Variants in SLC7A2 observed in about 807,000 individuals in gnomAD.
SLC7A2 encodes solute carrier family 7 member 2.
Under a neutral mutation model 58.9 loss-of-function variants are expected in SLC7A2, and 48 were observed. That is an observed-to-expected ratio of 0.82 (90% CI 0.65 to 1.04). SLC7A2 has a LOEUF of 1.04. Among genes scored for constraint, SLC7A2 ranks in the 50% least tolerant of loss-of-function variants. The probability of loss-of-function intolerance (pLI) is 0.00; values close to 1 mark genes in which losing one functional copy is unlikely to be tolerated. For synonymous variants in SLC7A2, 363 were observed against 314.5 expected (o/e 1.15, Z -1.63); for missense variants, 1,029 against 818.8 (o/e 1.26, Z -3.13).
rs140192012 is a variant in SLC7A2, at chr8:17,551,065, C to T, written c.832+631C>T. The stretch of plus-strand genomic sequence containing the variant: ...GAAGCCTTGATACTTAAGGGCCTAC[C>T]GAATGGCACAGCAGTCATTTAATCT... On this transcript the variant is annotated intron_variant, in intron 6 of 12. Transcript: ENST00000494857. 3.2e-3 allele frequency among the ~76,000 whole-genome samples: 486 copies of T among 152,230 alleles called. 3 individuals are homozygous for T. Among genetic ancestry groups the T allele is most frequent in the African/African-American group, 0.01 (420 of 41,536 alleles).
intron 5 of SLC7A2, among the ~76,000 whole-genome samples, chr8:17,549,233 T>A (rs532935965): frequency 1.2e-4 from 18 of 152,282 alleles, no homozygotes; most frequent in African/African-American, 3.4e-4. Context: ...CAAGATGAGA[T>A]TGGGTGGGGA....
chr8:17,510,465 C>A (rs1297701887), intron 2 of SLC7A2: 4 of 152,180 alleles, frequency 2.6e-5, no homozygotes, highest in African/African-American at 9.7e-5. Context: ...TAAAAGCGTT[C>A]CTATTTCTCC....
chr8:17,520,077 C>CTGTT (rs1800954409), intron 2 of SLC7A2, among the ~76,000 whole-genome samples: 1 of 152,092 alleles, frequency 6.6e-6, no homozygotes, highest in Non-Finnish European at 1.5e-5. Flanking sequence ...GTTTTGAATG[C>CTGTT]TGTTTGGTAC....
intron 2 of SLC7A2, among the ~76,000 whole-genome samples, chr8:17,515,225 G>A (rs1800755901): frequency 6.6e-6 from 1 of 152,028 alleles, no homozygotes; most frequent in Non-Finnish European, 1.5e-5. Context: ...TCAATAATGA[G>A]GACATAGCTT....
At position 17,508,097 on chromosome 8, in the gene SLC7A2, A is replaced by T. The variant is rs550098086; in HGVS notation, c.-23+5795A>T. Among the ~76,000 whole-genome samples the T allele has an allele frequency of 6.5e-3, 885 of 135,990 alleles. 2 individuals carry two copies. Among genetic ancestry groups the T allele is most frequent in the African/African-American group, 0.021 (735 of 35,514 alleles). 89.2% of individuals were successfully genotyped at this position (135,990 alleles called of 152,430 possible). A position where few individuals can be genotyped will look rare whatever the true frequency, so the allele number is the denominator to read the frequency against. On this transcript the variant is annotated intron_variant, in intron 2 of 12. Coordinates refer to ENST00000494857, the MANE Select transcript of SLC7A2 (RefSeq NM_001370338.1). ...GTGCTATTGTGCTCTCTTTTTTTTT[A>T]AAAAAAAAAGCTATTTGAATTTTTT...
At position 17,551,915 on chromosome 8, in the gene SLC7A2, G is replaced by C. The variant is rs573592866; in HGVS notation, c.984G>C (p.Ala328=). The change falls in exon 7 of 13, where the codon GCG becomes GCC. Residue 328 remains alanine (A), a synonymous_variant. Coordinates refer to ENST00000494857, the MANE Select transcript of SLC7A2 (RefSeq NM_001370338.1). ...ATGAAAAAAGCCCCCTTCCTGTAGC[G>C]TTTGAATATGTGGGATGGGGTCCTG... ...LLDEKSPLPV[A]FEYVGWGPAK... 1 of 1,613,854 alleles carries C rather than the reference G, an allele frequency of 6.2e-7. No homozygotes were observed. Among genetic ancestry groups the C allele is most frequent in the African/African-American group, 1.3e-5 (1 of 74,854 alleles).
chr8:17,543,660 C>G lies in SLC7A2; in HGVS notation c.321C>G (p.Val107=). 6.5e-7 allele frequency: 1 copy of G among 1,539,870 alleles called. No homozygotes were observed. The highest frequency in any genetic ancestry group is 8.7e-7 in the Non-Finnish European group (1 of 1,144,820). The part of the protein sequence containing the change: ...GSAYLYTYVT[V]GELWAFITGW... ...CATATTTGTACACCTACGTGACTGT[C>G]GGAGAGCTGTGGGCCTTCATCACTG... The change falls in exon 3 of 13, where the codon GTC becomes GTG. Residue 107 remains valine (V), a synonymous_variant. Transcript: ENST00000494857.
At chr8:17,500,269 A>G (rs548838126) in intron 1 of SLC7A2, 1 of 152,358 alleles carries the variant, frequency 6.6e-6, no homozygotes, top group African/African-American at 2.4e-5. Context: ...AGGCGATGCT[A>G]CTATTTCATC....
rs1803196806 is a variant in SLC7A2 at position 17,564,986 on chromosome 8, G to T, written c.1817G>T (p.Ser606Ile). Residue 606 changes from serine (S) to isoleucine (I), a missense_variant, in exon 13 of 13, where the codon AGC becomes ATC. Transcript: ENST00000494857. ...TACTTTTCTTATGGCATTAGACACA[G>T]CCTGGAGGGTCATCTGAGAGATGAA... ...LIYFSYGIRH[S>I]LEGHLRDENN... 6.2e-7 allele frequency: 1 copy of T among 1,613,012 alleles called. No homozygotes were observed.
At chr8:17,564,135 A>G in intron 12 of SLC7A2, among the ~76,000 whole-genome samples, 1 of 151,898 alleles carries the variant, frequency 6.6e-6, no homozygotes, top group South Asian at 2.1e-4. Context: ...AGTTCTTCGG[A>G]CTCTCCTGGT....
chr8:17,523,197 C>T lies in SLC7A2; in HGVS notation c.-22-20121C>T, dbSNP rs540548009. On this transcript the variant is annotated intron_variant, in intron 2 of 12. Transcript: ENST00000494857. ...AAAGGAAAGAAAATGACCATACGGC[C>T]AAAAGTAATCTACAAATTCAGTGCA... 7.9e-5 allele frequency among the ~76,000 whole-genome samples: 12 copies of T among 151,988 alleles called. No individual in the cohort carries two copies. The East Asian group carries it at 1.9e-3, about 24-fold the overall frequency.
rs376207004 is a variant in SLC7A2, at chr8:17,543,567, C to A, written c.228C>A (p.Ala76=). 3.1e-6 allele frequency: 5 copies of A among 1,611,540 alleles called. No individual in the cohort carries two copies. The highest frequency in any genetic ancestry group is 4.2e-6 in the Non-Finnish European group (5 of 1,178,764). ...TCGTGGTGTCCTTCCTCATTGCTGCCCTGGCTTCAGTGATGGCTGGCCTCT... is the reference window on the plus strand; with the variant it reads ...TCGTGGTGTCCTTCCTCATTGCTGCACTGGCTTCAGTGATGGCTGGCCTCT... ...PSIVVSFLIA[A]LASVMAGLCY... is the part of the protein sequence containing the mutation. Residue 76 remains alanine (A), a synonymous_variant, in exon 3 of 13, where the codon GCC becomes GCA. Transcript: ENST00000494857.
chr8:17,536,628 C>G (rs1412894324), intron 2 of SLC7A2, among the ~76,000 whole-genome samples: 3 of 152,054 alleles, frequency 2.0e-5, no homozygotes, highest in Non-Finnish European at 4.4e-5. Flanking sequence ...GGGTAAAGGG[C>G]AGAACTAATG....
Position 17,548,858 on chromosome 8 carries a change from G to GT in SLC7A2, c.698+26dup, listed in dbSNP as rs11373918. 207 of 1,200,368 alleles carry GT rather than the reference G, an allele frequency of 1.7e-4. No individual in the cohort carries two copies. Among genetic ancestry groups the GT allele is most frequent in the African/African-American group, 4.9e-4 (32 of 65,470 alleles). 74.4% of individuals were successfully genotyped at this position (1,200,368 alleles called of 1,614,324 possible). On this transcript the variant is annotated intron_variant, in intron 5 of 12. Coordinates refer to ENST00000494857, the MANE Select transcript of SLC7A2 (RefSeq NM_001370338.1). ...GCAAGTGCCAGGTAAAATATTTGAG[G>GT]TTTTTTTTTTTCTCCTTCTTGTTTA...
In SLC7A2 at chr8:17,565,498, G is replaced by A. The variant is rs1239140861; in HGVS notation, c.*352G>A. The A allele has an allele frequency of 3.1e-5, 6 of 196,062 alleles. No homozygotes were observed. The East Asian group carries it at 3.9e-4, about 13-fold the overall frequency. The allele number at this position is 196,062 out of a possible 1,614,324, so 12.1% of individuals were successfully genotyped here. On this transcript the variant is annotated 3_prime_UTR_variant, in exon 13 of 13. Transcript: ENST00000494857. The stretch of plus-strand genomic sequence containing the variant: ...CATTTTTCCAGTGTCGTCATTAATC[G>A]GTGGCATATACTGCACATACTGAAA...
At chr8:17,538,893 C>G in intron 2 of SLC7A2, 1 of 1,613,704 alleles carries the variant, frequency 6.2e-7, no homozygotes, top group South Asian at 1.1e-5. Context: ...GAACACCTGC[C>G]CCACCGGTTT....
Position 17,560,267 on chromosome 8 carries a change from G to T in SLC7A2, c.1299-61G>T, listed in dbSNP as rs1308091238. 8 of 1,313,868 alleles carry T rather than the reference G, an allele frequency of 6.1e-6. No individual in the cohort carries two copies. In the Admixed American group the frequency reaches 1.2e-4, roughly 20 times the overall value. 81.4% of individuals were successfully genotyped at this position (1,313,868 alleles called of 1,614,324 possible). ...TGTCTTACTTAAGGTTTTAGGTGCT[G>T]GTTTCACTTGGGCCAAATGTCTATT... On this transcript the variant is annotated intron_variant, in intron 9 of 12. Coordinates refer to ENST00000494857, the MANE Select transcript of SLC7A2 (RefSeq NM_001370338.1).
chr8:17,556,515 C>T (rs907221346), intron 8 of SLC7A2, among the ~76,000 whole-genome samples: 2 of 151,974 alleles, frequency 1.3e-5, no homozygotes, highest in Non-Finnish European at 2.9e-5. Context: ...CTTGTGTGGA[C>T]AACTTATCAT....
chr8:17,496,158 T>TACG (rs1182040433), upstream of SLC7A2, among the ~76,000 whole-genome samples: 1 of 152,208 alleles, frequency 6.6e-6, no homozygotes, highest in African/African-American at 2.4e-5. Flanking sequence ...CCGGGCATGG[T>TACG]GGCTCAAGCC....
Sources: allele counts gnomAD v4.1 joint callset (sites outside exome capture counted in the v4.1 genomes callset), GRCh38; gene constraint gnomAD v4.1.1; transcripts MANE v1.5; gene names NCBI Gene and HGNC (gene_info 2026-07-23, HGNC 2026-07-21).